Variants in IFNAR2 observed in about 807,000 individuals in gnomAD.
IFNAR2 encodes the protein interferon alpha/beta receptor 2.
IFNAR2 carries 30 observed loss-of-function variants against 49.4 expected under a neutral mutation model. That is an observed-to-expected ratio of 0.61 (90% CI 0.45 to 0.82). The LOEUF is 0.82. Among genes scored for constraint, IFNAR2 ranks in the 40% least tolerant of loss-of-function variants. The probability of loss-of-function intolerance (pLI) is 0.00; values close to 1 mark genes in which losing one functional copy is unlikely to be tolerated. For missense variants in IFNAR2, 600 were observed against 622.7 expected (o/e 0.96, Z 0.39); for synonymous variants, 224 against 234.5 (o/e 0.96, Z 0.41).
chr21:33,230,248 A>G lies in IFNAR2; in HGVS notation c.-84+32A>G, dbSNP rs1601778649. ...CAGCGTGGCGGGGTCGCGGGAGCGGAGCGCGTGGCCAGCTGACTGGAGGGA... is the reference window on the plus strand; with the variant it reads ...CAGCGTGGCGGGGTCGCGGGAGCGGGGCGCGTGGCCAGCTGACTGGAGGGA... On this transcript the variant is annotated intron_variant, in intron 1 of 8. Coordinates refer to ENST00000342136, the MANE Select transcript of IFNAR2 (RefSeq NM_001289125.3). This position sits in a 1 kb window ranked among gnomAD's most constrained non-coding sequence, Gnocchi z 5.5. 2.7e-6 allele frequency: 3 copies of G among 1,093,668 alleles called. No homozygotes were observed. The highest frequency in any genetic ancestry group is 3.4e-6 in the Non-Finnish European group (3 of 891,112). The allele number at this position is 1,093,668 out of a possible 1,614,324, so 67.7% of individuals were successfully genotyped here.
At chr21:33,249,947 C>A (rs1881941383) in intron 6 of IFNAR2, among the ~76,000 whole-genome samples, 1 of 151,908 alleles carries the variant, frequency 6.6e-6, no homozygotes, top group African/African-American at 2.4e-5. Context: ...GTGGCTGGAC[C>A]TGGTAGGAGT....
At chr21:33,242,082 C>A in intron 2 of IFNAR2, 105 bp downstream of exon 2, 1 of 939,236 alleles carries the variant, frequency 1.1e-6, no homozygotes, top group Admixed American at 2.3e-5. Flanking sequence ...GACTAGAGGA[C>A]CCAGTACCAC....
chr21:33,231,772 C>T (rs1986080983), intron 1 of IFNAR2: 1 of 763,850 alleles, frequency 1.3e-6, no homozygotes. Flanking sequence ...GACAAAGTCT[C>T]GCTCTGTCGC....
intron 4 of IFNAR2, among the ~76,000 whole-genome samples, chr21:33,246,460 A>G (rs1013803284): frequency 1.3e-5 from 2 of 152,200 alleles, no homozygotes; most frequent in African/African-American, 4.8e-5. Flanking sequence ...ACATTATGTA[A>G]ATGGAGACAT....
rs552928551 is a variant in IFNAR2, at chr21:33,263,580, C to T, written c.*80C>T. On this transcript the variant is annotated 3_prime_UTR_variant, in exon 9 of 9. Transcript: ENST00000342136. ...TCTGCATCCTAACTTGCTGCCTTAT[C>T]GTCTGCAAGTGTTCTCCAAGGGAAG... 5.2e-6 allele frequency: 7 copies of T among 1,335,166 alleles called. No homozygotes were observed. The African/African-American group carries it at 7.3e-5, about 14-fold the overall frequency. The allele number at this position is 1,335,166 out of a possible 1,614,324, so 82.7% of individuals were successfully genotyped here.
Position 33,263,113 on chromosome 21 carries a change from G to A in IFNAR2, c.1161G>A (p.Gln387=), listed in dbSNP as rs377567947. The A allele has an allele frequency of 1.2e-5, 20 of 1,614,086 alleles. No homozygotes were observed. In the East Asian group the frequency reaches 3.1e-4, roughly 25 times the overall value. Residue 387 remains glutamine (Q), a synonymous_variant, in exon 9 of 9, where the codon CAG becomes CAA. Transcript: ENST00000342136. Reference sequence around the variant, plus strand: ...CGATGCCAAAGGACAGCCCTCAGCAGTTGGAACTCTTGAGTGGGCCCTGTG... The same window carrying A: ...CGATGCCAAAGGACAGCCCTCAGCAATTGGAACTCTTGAGTGGGCCCTGTG... ...LPTMPKDSPQ[Q]LELLSGPCER...
chr21:33,254,981 G>A (rs1055802727), intron 7 of IFNAR2, among the ~76,000 whole-genome samples: 3 of 152,140 alleles, frequency 2.0e-5, no homozygotes, highest in African/African-American at 7.2e-5. Flanking sequence ...GCCACGGAAC[G>A]TTGCCTGGCA....
intron 5 of IFNAR2, among the ~76,000 whole-genome samples, chr21:33,247,255 T>TTTTTTTTTTTTC (rs1198496264): frequency 1.0e-4 from 11 of 109,018 alleles, no homozygotes; most frequent in Non-Finnish European, 1.7e-4. Flanking sequence ...TCTTTCTTTC[T>TTTTTTTTTTTTC]TTTTTTTTTT....
In IFNAR2 at chr21:33,246,843, A is replaced by T. The variant is rs755290453; in HGVS notation, c.347A>T (p.Asn116Ile). 1.2e-6 allele frequency: 2 copies of T among 1,614,112 alleles called. No homozygotes were observed. Among genetic ancestry groups the T allele is most frequent in the African/African-American group, 2.7e-5 (2 of 74,946 alleles). The change falls in exon 5 of 9, where the codon AAC becomes ATC. Residue 116 changes from asparagine to isoleucine, a missense_variant. Asn to Ile is a moderately radical substitution (Grantham distance 149). Coordinates refer to ENST00000342136, the MANE Select transcript of IFNAR2 (RefSeq NM_001289125.3). ...ACCGTCCTAGAAGGATTCAGCGGGA[A>T]CACAACGTTGTTCAGTTGCTCACAC... ...YVTVLEGFSG[N>I]TTLFSCSHNF...
intron 7 of IFNAR2, among the ~76,000 whole-genome samples, chr21:33,253,612 C>G (rs1300430611): frequency 1.3e-5 from 2 of 152,134 alleles, no homozygotes; most frequent in Non-Finnish European, 2.9e-5. Context: ...AAAGTGAAAG[C>G]AAGTTTATTA....
chr21:33,237,241 G>T (rs892793029), intron 1 of IFNAR2, among the ~76,000 whole-genome samples: 2 of 151,990 alleles, frequency 1.3e-5, no homozygotes, highest in African/African-American at 2.4e-5. Context: ...AATATAAAGG[G>T]GTTGCCCTGG....
At position 33,260,659 on chromosome 21, in the gene IFNAR2, A is replaced by C; in HGVS notation, c.772A>C (p.Thr258Pro). The C allele has an allele frequency of 6.2e-7, 1 of 1,605,020 alleles. No homozygotes were observed. Among genetic ancestry groups the C allele is most frequent in the Non-Finnish European group, 8.5e-7 (1 of 1,178,164 alleles). ...TGTGTTTTTGATAGCATTGGTCTTG[A>C]CAAGCACCATAGTGACACTGAAATG... is the stretch of plus-strand genomic sequence containing the variant. ...ITVFLIALVL[T>P]STIVTLKWIG... The change falls in exon 8 of 9, where the codon ACA (threonine) becomes CCA (proline). Residue 258 changes from threonine (T) to proline (P), a missense_variant. Physicochemically the swap from Thr to Pro is conservative, Grantham distance 38. Coordinates refer to ENST00000342136, the MANE Select transcript of IFNAR2 (RefSeq NM_001289125.3).
chr21:33,243,083 C>T (rs1384542311), intron 2 of IFNAR2, among the ~76,000 whole-genome samples: 1 of 150,396 alleles, frequency 6.6e-6, no homozygotes, highest in Non-Finnish European at 1.5e-5. Flanking sequence ...CCACTGTGTC[C>T]AGCCATTTTT....
chr21:33,240,507 A>G (rs1986839849), intron 1 of IFNAR2, among the ~76,000 whole-genome samples: 1 of 152,198 alleles, frequency 6.6e-6, no homozygotes, highest in African/African-American at 2.4e-5. Flanking sequence ...CAACCTAAGT[A>G]TCCATCAACA....
chr21:33,232,521 G>C (rs186166700), intron 1 of IFNAR2, among the ~76,000 whole-genome samples: 14 of 151,858 alleles, frequency 9.2e-5, no homozygotes, highest in Admixed American at 6.6e-4. Context: ...CATTGTCATT[G>C]GTTTTCATTT....
intron 1 of IFNAR2, chr21:33,232,980 A>G: frequency 4.1e-6 from 4 of 974,010 alleles, no homozygotes; most frequent in Non-Finnish European, 4.9e-6. Context: ...CGTCTTACTA[A>G]AAACAAAGAA....
chr21:33,254,986 C>T (rs946912961), intron 7 of IFNAR2, among the ~76,000 whole-genome samples: 1 of 152,164 alleles, frequency 6.6e-6, no homozygotes, highest in Non-Finnish European at 1.5e-5. Context: ...GGAACGTTGC[C>T]TGGCACATAA....
intron 6 of IFNAR2, chr21:33,251,650 C>G: frequency 4.1e-6 from 4 of 985,286 alleles, no homozygotes; most frequent in Non-Finnish European, 4.8e-6. Context: ...TAGGAATCCT[C>G]ATTTATTAAA....
intron 1 of IFNAR2, among the ~76,000 whole-genome samples, chr21:33,239,317 C>T (rs1478463700): frequency 6.6e-6 from 1 of 152,214 alleles, no homozygotes; most frequent in Non-Finnish European, 1.5e-5. Flanking sequence ...CCTCAGCTTC[C>T]TGCCTGCACT....
Sources: gnomAD v4.1 joint callset for allele counts (sites outside exome capture counted in the v4.1 genomes callset) on GRCh38, gnomAD v4.1.1 for gene constraint, Gnocchi (gnomAD v3.1) non-coding constraint, MANE v1.5 for transcripts, NCBI Gene and HGNC (gene_info 2026-07-23, HGNC 2026-07-21) for gene names.